The following SLC37A1 variants were observed in gnomAD, a reference collection of about 807,000 sequenced individuals.
The protein encoded by SLC37A1 is solute carrier family 37 member 1, also known as glucose-6-phosphate exchanger SLC37A1.
SLC37A1 carries 49 observed loss-of-function variants against 75.3 expected under a neutral mutation model. The ratio of observed to expected loss-of-function variants is 0.65; its 90% CI spans 0.52 to 0.83. SLC37A1 has a LOEUF of 0.83. Ranked by LOEUF, SLC37A1 falls within the 40% of genes least tolerant of loss-of-function variation. The probability of loss-of-function intolerance (pLI) is 0.00; values close to 1 mark genes in which losing one functional copy is unlikely to be tolerated. For missense variants in SLC37A1, 566 were observed against 695.0 expected, an observed-to-expected ratio of 0.81 and a Z score of 2.09; for synonymous variants, 268 against 292.1, an observed-to-expected ratio of 0.92 and a Z score of 0.84.
intron 2 of SLC37A1, among the ~76,000 whole-genome samples, chr21:42,506,459 A>G (rs1015728767): frequency 6.6e-6 from 1 of 152,234 alleles, no homozygotes; most frequent in African/African-American, 2.4e-5. Flanking sequence ...TAGAGTAGCC[A>G]TAAGCATTTG....
intron 18 of SLC37A1, among the ~76,000 whole-genome samples, chr21:42,578,248 T>TA (rs1346150594): frequency 2.0e-5 from 3 of 152,126 alleles, no homozygotes; most frequent in African/African-American, 7.2e-5. Context: ...AGGCCTCAGG[T>TA]CTCCAGTGCG....
chr21:42,571,761 C>G (rs906677405), intron 17 of SLC37A1, among the ~76,000 whole-genome samples: 1 of 151,812 alleles, frequency 6.6e-6, no homozygotes, highest in Non-Finnish European at 1.5e-5. Flanking sequence ...TTTAATTATG[C>G]ACCCTCAATA....
In SLC37A1 at chr21:42,518,470, G is replaced by A. The variant is rs1264470149; in HGVS notation, c.16G>A (p.Ala6Thr). 15 of 1,614,008 alleles carry A rather than the reference G, an allele frequency of 9.3e-6. No homozygotes were observed. Among genetic ancestry groups the A allele is most frequent in the South Asian group, 4.4e-5 (4 of 91,088 alleles). The change falls in exon 2 of 20, where the codon GCT becomes ACT. Residue 6 changes from alanine to threonine, a missense_variant. Physicochemically the swap from Ala to Thr is moderately conservative, Grantham distance 58 (BLOSUM62 0). Transcript: ENST00000352133. Reference sequence around the variant, plus strand: ...GGCGACGTAAATGGCTCGACTCCCCGCTGGCATTCGCTTCATCATCTCATT... The same window carrying A: ...GGCGACGTAAATGGCTCGACTCCCCACTGGCATTCGCTTCATCATCTCATT... MARLP[A>T]GIRFIISFSR...
At position 42,548,208 on chromosome 21, in the gene SLC37A1, G is replaced by A. The variant is rs968611021; in HGVS notation, c.768+1068G>A. 6.6e-6 allele frequency among the ~76,000 whole-genome samples: 1 copy of A among 152,082 alleles called. No homozygotes were observed. Among genetic ancestry groups the A allele is most frequent in the African/African-American group, 2.4e-5 (1 of 41,386 alleles). On this transcript the variant is annotated intron_variant, in intron 9 of 19. Coordinates refer to ENST00000352133, the MANE Select transcript of SLC37A1 (RefSeq NM_001320537.2). This position sits in a 1 kb window ranked among gnomAD's most constrained non-coding sequence, Gnocchi z 5.6. ...GGAGAGCGCGCTCGGGCCTTTCAGCGGCTCCAGGTGCGTTGATGTCGAGTC... is the reference window on the plus strand; with the variant it reads ...GGAGAGCGCGCTCGGGCCTTTCAGCAGCTCCAGGTGCGTTGATGTCGAGTC...
upstream of SLC37A1, among the ~76,000 whole-genome samples, chr21:42,513,389 G>T (rs572310400): frequency 5.1e-4 from 77 of 152,338 alleles, no homozygotes; most frequent in Admixed American, 9.8e-4. Flanking sequence ...CCACGCTATG[G>T]AGTGCTAGTC....
At position 42,552,231 on chromosome 21, in the gene SLC37A1, C is replaced by G. The variant is rs552437025; in HGVS notation, c.769-1831C>G. Among the ~76,000 whole-genome samples the G allele has an allele frequency of 2.0e-5, 3 of 152,334 alleles. No individual in the cohort carries two copies. The highest frequency in any genetic ancestry group is 7.2e-5 in the African/African-American group (3 of 41,562). ...TAGGATATCTATTTTGTGCCCTAATCTAGGACCTCATTGGGTCCAAAACCC... is the reference window on the plus strand; with the variant it reads ...TAGGATATCTATTTTGTGCCCTAATGTAGGACCTCATTGGGTCCAAAACCC... On this transcript the variant is annotated intron_variant, in intron 9 of 19. Coordinates refer to ENST00000352133, the MANE Select transcript of SLC37A1 (RefSeq NM_001320537.2). This position sits in a 1 kb window ranked among gnomAD's most constrained non-coding sequence, Gnocchi z 4.2.
chr21:42,578,835 A>G (rs2056359702), intron 18 of SLC37A1, among the ~76,000 whole-genome samples: 2 of 152,140 alleles, frequency 1.3e-5, no homozygotes, highest in Admixed American at 1.3e-4. Context: ...TGCCTTCTAG[A>G]GCTCTGGCCT....
chr21:42,566,754 C>T (rs912867656), intron 15 of SLC37A1, among the ~76,000 whole-genome samples: 1 of 152,190 alleles, frequency 6.6e-6, no homozygotes, highest in Non-Finnish European at 1.5e-5. Flanking sequence ...GCCCAGGGTC[C>T]GGCCTGTGAT....
chr21:42,542,404 GTCA>G lies in SLC37A1; in HGVS notation c.491_493del (p.Ile164del). ...GTCTCTCCTTTGGCCTCTCCTGCAGGTCATCAACGGGCTGGTGCAGACCACCGG... is the reference window on the plus strand; with the variant it reads ...GTCTCTCCTTTGGCCTCTCCTGCAGGTCAACGGGCTGGTGCAGACCACCGG... On this transcript the variant is annotated inframe_deletion and splice_region_variant, in exon 7 of 20. Coordinates refer to ENST00000352133, the MANE Select transcript of SLC37A1 (RefSeq NM_001320537.2). 6.2e-7 allele frequency: 1 copy of G among 1,613,792 alleles called. No homozygotes were observed. Among genetic ancestry groups the G allele is most frequent in the South Asian group, 1.1e-5 (1 of 91,000 alleles).
chr21:42,513,264 A>G (rs1243920842), upstream of SLC37A1, among the ~76,000 whole-genome samples: 1 of 152,042 alleles, frequency 6.6e-6, no homozygotes, highest in Non-Finnish European at 1.5e-5. Flanking sequence ...CAAGGGTAAG[A>G]ACCCGGCGGG....
intron 13 of SLC37A1, 119 bp downstream of exon 13, chr21:42,563,996 C>A: frequency 1.7e-6 from 2 of 1,176,778 alleles, no homozygotes; most frequent in South Asian, 1.3e-5. Flanking sequence ...CTGAGTGGGC[C>A]CAGCCCAAGA....
chr21:42,518,009 G>C (rs2054555048), intron 1 of SLC37A1, among the ~76,000 whole-genome samples: 2 of 152,186 alleles, frequency 1.3e-5, no homozygotes. Context: ...ATAGAGATGA[G>C]TTCCTTGGTT....
At position 42,548,031 on chromosome 21, in the gene SLC37A1, T is replaced by TGG. The variant is rs544915676; in HGVS notation, c.768+895_768+896dup. On this transcript the variant is annotated intron_variant, in intron 9 of 19. Coordinates refer to ENST00000352133, the MANE Select transcript of SLC37A1 (RefSeq NM_001320537.2). The surrounding 1 kb of genome is among the most constrained non-coding windows in gnomAD (Gnocchi z 5.6). ...GTCTGACCCAATGCTTCCCTCCCTC[T>TGG]GGGGGTCAGCTCTCTTCCCTCCCTC... 5.9e-3 allele frequency among the ~76,000 whole-genome samples: 903 copies of TGG among 152,190 alleles called. 8 individuals are homozygous for TGG. Among genetic ancestry groups the TGG allele is most frequent in the South Asian group, 0.039 (189 of 4,810 alleles).
intron 5 of SLC37A1, among the ~76,000 whole-genome samples, chr21:42,538,993 G>T (rs2055208641): frequency 6.6e-6 from 1 of 152,208 alleles, no homozygotes; most frequent in South Asian, 2.1e-4. Context: ...GCAGGAGGCG[G>T]TAGTGGCAAA....
chr21:42,567,096 C>A, intron 16 of SLC37A1, 38 bp downstream of exon 16: 1 of 1,600,750 alleles, frequency 6.2e-7, no homozygotes, highest in Non-Finnish European at 8.5e-7. Context: ...CCTGTGGGCA[C>A]CCTGCCATGT....
upstream of SLC37A1, among the ~76,000 whole-genome samples, chr21:42,513,036 G>T (rs892557857): frequency 6.6e-6 from 1 of 152,212 alleles, no homozygotes; most frequent in Non-Finnish European, 1.5e-5. Flanking sequence ...TTATCCGGGG[G>T]CAGGCTTTTT....
intron 14 of SLC37A1, 29 bp downstream of exon 14, chr21:42,564,822 A>G: frequency 6.3e-7 from 1 of 1,595,482 alleles, no homozygotes; most frequent in Non-Finnish European, 8.5e-7. Flanking sequence ...CCTGGGCCCC[A>G]AAGCCTGCAG....
chr21:42,530,595 TACACACACACACACACACACAC>T (rs71190427), intron 3 of SLC37A1, among the ~76,000 whole-genome samples: 1,678 of 103,206 alleles, frequency 0.016, 38 homozygotes, highest in African/African-American at 0.033. Flanking sequence ...ATGCAGATGA[TACACACACACACACACACACAC>T]ACACACACAC....
intron 16 of SLC37A1, among the ~76,000 whole-genome samples, chr21:42,567,693 T>A (rs906828295): frequency 6.6e-6 from 1 of 152,252 alleles, no homozygotes; most frequent in Non-Finnish European, 1.5e-5. Context: ...GCATTTATTT[T>A]TTTGAACGCT....
Sources: allele counts gnomAD v4.1 joint callset (sites outside exome capture counted in the v4.1 genomes callset), GRCh38; gene constraint gnomAD v4.1.1; non-coding constraint Gnocchi (gnomAD v3.1); transcripts MANE v1.5; gene names NCBI Gene and HGNC (gene_info 2026-07-23, HGNC 2026-07-21).